ST18: variants seen among roughly 807,000 people sequenced by gnomAD.
ST18 encodes the protein suppression of tumorigenicity 18 protein.
In ST18, 50 loss-of-function variants were observed where a neutral mutation model predicts 110.0. The observed-to-expected ratio is 0.45, with a 90% CI of 0.36 to 0.58. ST18 has a LOEUF of 0.58. Ranked by LOEUF, ST18 falls within the 20% of genes least tolerant of loss-of-function variation. The pLI, the probability that ST18 is intolerant of heterozygous loss-of-function variation, is 0.00. For synonymous variants in ST18, 461 were observed against 452.4 expected (o/e 1.02, Z -0.24); for missense variants, 1,306 against 1,280.1 (o/e 1.02, Z -0.31).
intron 2 of ST18, among the ~76,000 whole-genome samples, chr8:52,274,128 G>T (rs1015452093): frequency 6.6e-6 from 1 of 152,082 alleles, no homozygotes; most frequent in African/African-American, 2.4e-5. Flanking sequence ...AGAAGAACAG[G>T]CCAACTGTTA....
chr8:52,288,116 G>A (rs977196230), intron 2 of ST18, among the ~76,000 whole-genome samples: 2 of 152,186 alleles, frequency 1.3e-5, no homozygotes, highest in African/African-American at 4.8e-5. Flanking sequence ...TCATCACCCA[G>A]CCCTACGCCT....
upstream of ST18, chr8:52,409,805 C>G (rs1191136193): frequency 2.0e-5 from 3 of 152,240 alleles, no homozygotes. Context: ...TGTTATTTAC[C>G]AACCGCACAA....
chr8:52,153,285 G>T (rs774624577), intron 15 of ST18, among the ~76,000 whole-genome samples: 1 of 152,146 alleles, frequency 6.6e-6, no homozygotes, highest in Non-Finnish European at 1.5e-5. Context: ...ATACAGGATG[G>T]GTCACCTGCC....
chr8:52,192,222 C>T (rs2074751945), intron 8 of ST18, among the ~76,000 whole-genome samples: 2 of 152,222 alleles, frequency 1.3e-5, no homozygotes, highest in South Asian at 2.1e-4. Context: ...ATCCTCCCAA[C>T]ATGGCACCAT....
At chr8:52,312,040 T>G (rs898498922) in intron 2 of ST18, among the ~76,000 whole-genome samples, 4 of 152,208 alleles carry the variant, frequency 2.6e-5, no homozygotes, top group African/African-American at 9.7e-5. Context: ...TGCATTAACC[T>G]CTCATAAGAC....
intron 17 of ST18, 82 bp from the exon 18 acceptor site, chr8:52,137,565 T>C: frequency 1.4e-6 from 2 of 1,422,748 alleles, no homozygotes; most frequent in Non-Finnish European, 2.0e-6. Flanking sequence ...ACGGAGGAGG[T>C]AGCTTCTCTG....
chr8:52,347,313 C>T (rs1461452440), intron 2 of ST18, among the ~76,000 whole-genome samples: 1 of 152,234 alleles, frequency 6.6e-6, no homozygotes, highest in East Asian at 1.9e-4. Context: ...TGCAGACATT[C>T]CTCAACATTC....
chr8:52,302,898 A>T (rs563315333), intron 2 of ST18, among the ~76,000 whole-genome samples: 12 of 152,242 alleles, frequency 7.9e-5, no homozygotes, highest in African/African-American at 2.9e-4. Flanking sequence ...GTCAATCATA[A>T]TAGTAATAAT....
chr8:52,351,540 C>T (rs1469673696), intron 2 of ST18, among the ~76,000 whole-genome samples: 2 of 152,202 alleles, frequency 1.3e-5, no homozygotes, highest in African/African-American at 4.8e-5. Context: ...CATGACATAA[C>T]AGCATCTTTT....
At chr8:52,258,716 A>T (rs1383795311) in intron 2 of ST18, among the ~76,000 whole-genome samples, 1 of 152,118 alleles carries the variant, frequency 6.6e-6, no homozygotes. Flanking sequence ...CAGATGACTT[A>T]TATTTCTTTT....
intron 6 of ST18, among the ~76,000 whole-genome samples, chr8:52,216,028 T>G (rs2084070772): frequency 6.6e-6 from 1 of 152,230 alleles, no homozygotes; most frequent in South Asian, 2.1e-4. Context: ...ATTGTTATCT[T>G]GCCACATGGA....
Position 52,298,196 on chromosome 8 carries a change from T to TC in ST18, c.-464-68120dup, listed in dbSNP as rs548074516. Among the ~76,000 whole-genome samples the TC allele has an allele frequency of 1.1e-4, 16 of 152,320 alleles. 1 individual carries two copies. In the South Asian group the frequency reaches 3.3e-3, roughly 32 times the overall value. On this transcript the variant is annotated intron_variant, in intron 2 of 25. Transcript: ENST00000689386. ...GGTACATTTCAGTGCTGCACATATT[T>TC]CACTGGCCAGAGTGCAGTTATTGGC...
intron 2 of ST18, among the ~76,000 whole-genome samples, chr8:52,401,344 C>T (rs1211022605): frequency 2.0e-5 from 3 of 152,140 alleles, no homozygotes; most frequent in Admixed American, 2.0e-4. Flanking sequence ...CATTAAGCTT[C>T]ATAAATCTGC....
intron 2 of ST18, among the ~76,000 whole-genome samples, chr8:52,397,706 T>C (rs1277330350): frequency 1.3e-5 from 2 of 152,172 alleles, no homozygotes; most frequent in Non-Finnish European, 1.5e-5. Flanking sequence ...GAAGAGACTA[T>C]CCTTTAACCA....
intron 2 of ST18, among the ~76,000 whole-genome samples, chr8:52,298,673 G>A (rs757309926): frequency 6.6e-6 from 1 of 152,260 alleles, no homozygotes; most frequent in South Asian, 2.1e-4. Flanking sequence ...ATGGAGCCAC[G>A]AAACTATATG....
rs1056770133 is a variant in ST18 at position 52,133,132 on chromosome 8, G to A, written c.2369C>T (p.Ser790Phe). ...ACCTTTCCTTGCACGAGGGCATCCG[G>A]ACAAGCTGAAATAGGGACCCGACAA... ...TGNYASHRSL[S>F]GCPRARKGGV... is the part of the protein sequence containing the mutation. Residue 790 changes from serine (S) to phenylalanine (F), a missense_variant, in exon 21 of 26, where the codon TCC (serine) becomes TTC (phenylalanine). Coordinates refer to ENST00000689386, the MANE Select transcript of ST18 (RefSeq NM_001352837.2). 6.2e-7 allele frequency: 1 copy of A among 1,614,128 alleles called. No individual in the cohort carries two copies. The highest frequency in any genetic ancestry group is 8.5e-7 in the Non-Finnish European group (1 of 1,180,030).
At chr8:52,150,040 G>A in intron 15 of ST18, 63 bp from the exon 16 acceptor site, 2 of 1,526,462 alleles carry the variant, frequency 1.3e-6, no homozygotes, top group South Asian at 1.3e-5. Flanking sequence ...TAGCCATGTG[G>A]GGCTTTTAAG....
intron 17 of ST18, among the ~76,000 whole-genome samples, chr8:52,137,963 T>C (rs1484549348): frequency 6.6e-6 from 1 of 151,390 alleles, no homozygotes; most frequent in East Asian, 1.9e-4. Context: ...TAGCCAGGCA[T>C]GGTGGTGCAT....
chr8:52,278,044 A>G (rs2095307871), intron 2 of ST18, among the ~76,000 whole-genome samples: 1 of 152,190 alleles, frequency 6.6e-6, no homozygotes, highest in Non-Finnish European at 1.5e-5. Flanking sequence ...GATACAATAT[A>G]TTTTAGTAGA....
Sources: gnomAD v4.1 joint callset for allele counts (sites outside exome capture counted in the v4.1 genomes callset) on GRCh38, gnomAD v4.1.1 for gene constraint, MANE v1.5 for transcripts, NCBI Gene and HGNC (gene_info 2026-07-23, HGNC 2026-07-21) for gene names.